Variants in GMDS observed in about 807,000 individuals in gnomAD.
The protein encoded by GMDS is GDP-mannose 4,6-dehydratase.
Under a neutral mutation model 49.9 loss-of-function variants are expected in GMDS, and 20 were observed. The observed-to-expected ratio is 0.40, with a 90% CI of 0.28 to 0.58. The LOEUF (loss-of-function observed/expected upper bound fraction) is 0.58, where lower values mean the gene tolerates loss of function less well. Among genes scored for constraint, GMDS ranks in the 20% least tolerant of loss-of-function variants. The pLI, the probability that GMDS is intolerant of heterozygous loss-of-function variation, is 0.42. For synonymous variants in GMDS, 177 were observed against 178.6 expected (o/e 0.99, Z 0.07); for missense variants, 362 against 481.4 (o/e 0.75, Z 2.32).
At chr6:1,704,861 G>A (rs1765676193) in intron 9 of GMDS, among the ~76,000 whole-genome samples, 1 of 151,978 alleles carries the variant, frequency 6.6e-6, no homozygotes, top group South Asian at 2.1e-4. Flanking sequence ...TGGAGAGGGG[G>A]GCGGGGGTGA....
At chr6:2,014,090 A>T (rs988196206) in intron 4 of GMDS, among the ~76,000 whole-genome samples, 7 of 149,250 alleles carry the variant, frequency 4.7e-5, no homozygotes, top group Non-Finnish European at 7.4e-5. Context: ...CAACAAACTA[A>T]AATTTTATAT....
rs147765422 is a variant in GMDS, at chr6:2,005,390, A to G, written c.346-44424T>C. Among the ~76,000 whole-genome samples, 22 of 152,288 alleles carry G rather than the reference A, an allele frequency of 1.4e-4. No individual in the cohort carries two copies. In the East Asian group the frequency reaches 4.3e-3, roughly 29 times the overall value. On this transcript the variant is annotated intron_variant, in intron 4 of 10. Coordinates refer to ENST00000380815, the MANE Select transcript of GMDS (RefSeq NM_001500.4). ...CTCAGGAAACAATTGCCGCTTTATGATTTCAACTCTTTCAGGGGAAAGCAG... is the reference window on the plus strand; with the variant it reads ...CTCAGGAAACAATTGCCGCTTTATGGTTTCAACTCTTTCAGGGGAAAGCAG...
chr6:1,688,278 A>G (rs757290673), intron 9 of GMDS, among the ~76,000 whole-genome samples: 32 of 152,240 alleles, frequency 2.1e-4, no homozygotes, highest in Non-Finnish European at 3.8e-4. Flanking sequence ...AGTGTCAAGC[A>G]TATTTTCTCT....
At chr6:1,735,029 T>G (rs1482950580) in intron 8 of GMDS, among the ~76,000 whole-genome samples, 1 of 152,214 alleles carries the variant, frequency 6.6e-6, no homozygotes, top group Non-Finnish European at 1.5e-5. Context: ...TTCATTTATA[T>G]TTACCCAACT....
intron 7 of GMDS, among the ~76,000 whole-genome samples, chr6:1,839,678 A>G (rs371048520): frequency 6.6e-6 from 1 of 152,192 alleles, no homozygotes; most frequent in African/African-American, 2.4e-5. Context: ...TGTAATTTTC[A>G]CCCTGGAAGT....
chr6:2,177,365 A>G (rs767047441), intron 1 of GMDS, among the ~76,000 whole-genome samples: 2 of 152,196 alleles, frequency 1.3e-5, no homozygotes, highest in Admixed American at 6.5e-5. Flanking sequence ...CGTCATCCTG[A>G]TATCAAAATT....
chr6:1,735,157 C>T (rs930100547), intron 8 of GMDS, among the ~76,000 whole-genome samples: 12 of 152,168 alleles, frequency 7.9e-5, no homozygotes, highest in African/African-American at 2.9e-4. Context: ...ACGACCAGTG[C>T]CCAAGTACCC....
chr6:2,041,234 C>A (rs537307739), intron 4 of GMDS, among the ~76,000 whole-genome samples: 53 of 152,150 alleles, frequency 3.5e-4, no homozygotes, highest in Non-Finnish European at 6.9e-4. Context: ...ACTGCAAAGC[C>A]TGCAGTAAAA....
At chr6:2,017,450 A>G (rs1767977742) in intron 4 of GMDS, among the ~76,000 whole-genome samples, 1 of 152,110 alleles carries the variant, frequency 6.6e-6, no homozygotes, top group Non-Finnish European at 1.5e-5. Flanking sequence ...CTGGGATTAC[A>G]GGCGCGTGCC....
At chr6:2,053,311 A>G (rs1320376006) in intron 4 of GMDS, among the ~76,000 whole-genome samples, 1 of 152,132 alleles carries the variant, frequency 6.6e-6, no homozygotes, top group Admixed American at 6.5e-5. Context: ...CAGTGATTCT[A>G]TTTGAAAGTA....
At chr6:2,218,273 C>T (rs1780428327) in intron 1 of GMDS, among the ~76,000 whole-genome samples, 1 of 152,136 alleles carries the variant, frequency 6.6e-6, no homozygotes, top group South Asian at 2.1e-4. Flanking sequence ...CAAGACAACA[C>T]CCAGACTCAC....
chr6:1,876,857 C>A (rs1759094646), intron 7 of GMDS, among the ~76,000 whole-genome samples: 1 of 152,160 alleles, frequency 6.6e-6, no homozygotes, highest in Non-Finnish European at 1.5e-5. Flanking sequence ...GTTCTCTGAT[C>A]ATCTTTACCC....
Position 2,117,562 on chromosome 6 carries a change from T to G in GMDS, c.148-6A>C. 4 of 1,528,972 alleles carry G rather than the reference T, an allele frequency of 2.6e-6. No individual in the cohort carries two copies. Among genetic ancestry groups the G allele is most frequent in the Non-Finnish European group, 3.6e-6 (4 of 1,102,464 alleles). 94.7% of individuals were successfully genotyped at this position (1,528,972 alleles called of 1,614,324 possible). A position where few individuals can be genotyped will look rare whatever the true frequency, so the allele number is the denominator to read the frequency against. On this transcript the variant is annotated splice_polypyrimidine_tract_variant and splice_region_variant and intron_variant, in intron 2 of 10. Coordinates refer to ENST00000380815, the MANE Select transcript of GMDS (RefSeq NM_001500.4). ...CGCCGTACAATTCCATGGACCTGAG[T>G]TTTTACAGTGTGGAAAGATAAATGT...
chr6:1,917,917 G>A (rs1761486230), intron 7 of GMDS, among the ~76,000 whole-genome samples: 1 of 152,156 alleles, frequency 6.6e-6, no homozygotes, highest in South Asian at 2.1e-4. Context: ...GTGCGACCAG[G>A]GAGGAAATGA....
At chr6:1,632,915 C>T (rs937284231) in intron 9 of GMDS, among the ~76,000 whole-genome samples, 1 of 152,168 alleles carries the variant, frequency 6.6e-6, no homozygotes, top group African/African-American at 2.4e-5. Context: ...ACCAACATGG[C>T]GGCATTGCTG....
intron 4 of GMDS, among the ~76,000 whole-genome samples, chr6:2,114,834 T>A (rs1181677429): frequency 6.6e-6 from 1 of 152,178 alleles, no homozygotes; most frequent in East Asian, 1.9e-4. Flanking sequence ...AGCAGAGGTA[T>A]ATAGAATAGG....
At chr6:1,700,952 A>C (rs1343428796) in intron 9 of GMDS, among the ~76,000 whole-genome samples, 1 of 152,228 alleles carries the variant, frequency 6.6e-6, no homozygotes, top group African/African-American at 2.4e-5. Flanking sequence ...TTCGTAAATC[A>C]TAACAGTGAA....
chr6:2,056,928 T>C (rs975934457), intron 4 of GMDS, among the ~76,000 whole-genome samples: 7 of 152,354 alleles, frequency 4.6e-5, no homozygotes, highest in African/African-American at 1.7e-4. Flanking sequence ...AATGTATTAC[T>C]GGTATATTTG....
chr6:2,206,096 T>TA (rs1379275241), intron 1 of GMDS, among the ~76,000 whole-genome samples: 1 of 151,970 alleles, frequency 6.6e-6, no homozygotes, highest in African/African-American at 2.4e-5. Flanking sequence ...ATGTCTCTAC[T>TA]AAAAATACAA....
Sources: gnomAD v4.1 joint callset for allele counts (sites outside exome capture counted in the v4.1 genomes callset) on GRCh38, gnomAD v4.1.1 for gene constraint, MANE v1.5 for transcripts, NCBI Gene and HGNC (gene_info 2026-07-23, HGNC 2026-07-21) for gene names.